Variants in FAM234A observed in about 807,000 individuals in gnomAD.
FAM234A encodes protein FAM234A.
FAM234A carries 42 observed loss-of-function variants against 49.1 expected under a neutral mutation model. The observed-to-expected ratio is 0.86, with a 90% CI of 0.67 to 1.11. The LOEUF (loss-of-function observed/expected upper bound fraction) is 1.11, where lower values mean the gene tolerates loss of function less well. FAM234A is among the 50% of genes least tolerant of loss of function. The pLI is 0.00. For synonymous variants in FAM234A, 369 were observed against 316.2 expected (o/e 1.17, Z -1.77); for missense variants, 815 against 745.2 (o/e 1.09, Z -1.09).
At chr16:269,581 G>A (rs999474363), downstream of FAM234A, 2 of 1,612,792 alleles carry the variant, frequency 1.2e-6, no homozygotes, top group Non-Finnish European at 1.7e-6. Context: ...CCTTGGGTAG[G>A]AGTCCTACAA....
At chr16:266,117 C>G (rs1156924020), downstream of FAM234A, 16 of 982,740 alleles carry the variant, frequency 1.6e-5, no homozygotes, top group Non-Finnish European at 1.9e-5. Flanking sequence ...CAGGCGTGAG[C>G]CTAGCGTGTG....
chr16:269,411 G>A, downstream of FAM234A: 1 of 1,592,796 alleles, frequency 6.3e-7, no homozygotes. Flanking sequence ...GCTGAGAACA[G>A]GCTGGCCAGC....
At chr16:254,325 G>A in intron 2 of FAM234A, 56 bp from the exon 3 acceptor site, 1 of 1,470,172 alleles carries the variant, frequency 6.8e-7, no homozygotes, top group South Asian at 1.3e-5. Context: ...CCTCTGTGCT[G>A]CAGCTTTGTG....
In FAM234A at chr16:242,912, C is replaced by T. The variant is rs117237414; in HGVS notation, c.-139-6637C>T. Among the ~76,000 whole-genome samples, 177 of 151,894 alleles carry T rather than the reference C, an allele frequency of 1.2e-3. 2 individuals carry two copies. Among genetic ancestry groups the T allele is most frequent in the Non-Finnish European group, 2.0e-3 (134 of 67,902 alleles). Reference sequence around the variant, plus strand: ...CAGGCGTGAGCTACCACGCCCATCCCGTGTCAGGTCTTTTACCTTAATTAA... The same window carrying T: ...CAGGCGTGAGCTACCACGCCCATCCTGTGTCAGGTCTTTTACCTTAATTAA... On this transcript the variant is annotated intron_variant, in intron 1 of 12. Coordinates refer to ENST00000399932, the MANE Select transcript of FAM234A (RefSeq NM_032039.4).
At position 260,147 on chromosome 16, in the gene FAM234A, C is replaced by G; in HGVS notation, c.564C>G (p.Val188=). The change falls in exon 5 of 13, where the codon GTC becomes GTG. Residue 188 remains valine (V), a synonymous_variant. Coordinates refer to ENST00000399932, the MANE Select transcript of FAM234A (RefSeq NM_032039.4). ...LVGRPSSFIA[V]NLFTGETLWN... ...GCAGACCCAGTTCTTTCATTGCAGT[C>G]AACTTGTTCACAGGTAGGCCAGCCA... is the stretch of plus-strand genomic sequence containing the variant. The G allele has an allele frequency of 6.2e-7, 1 of 1,613,674 alleles. No individual in the cohort carries two copies. The highest frequency in any genetic ancestry group is 8.5e-7 in the Non-Finnish European group (1 of 1,180,012).
downstream of FAM234A, chr16:268,518 A>C (rs2051773220): frequency 1.8e-6 from 1 of 558,222 alleles, no homozygotes; most frequent in Admixed American, 3.1e-5. Flanking sequence ...CAGCTCACGA[A>C]GGAAGACTTG....
At chr16:253,040 C>T (rs1167923863) in intron 2 of FAM234A, among the ~76,000 whole-genome samples, 1 of 152,244 alleles carries the variant, frequency 6.6e-6, no homozygotes, top group Admixed American at 6.5e-5. Flanking sequence ...TAACAAAAAT[C>T]TTGCCTGAGA....
chr16:248,997 C>T (rs1217966641), intron 1 of FAM234A, among the ~76,000 whole-genome samples: 3 of 151,932 alleles, frequency 2.0e-5, no homozygotes, highest in Non-Finnish European at 4.4e-5. Context: ...AATTGTCTTG[C>T]AGGGTCCTTT....
chr16:266,929 C>T (rs1422153793), downstream of FAM234A, among the ~76,000 whole-genome samples: 2 of 152,126 alleles, frequency 1.3e-5, no homozygotes, highest in Admixed American at 6.5e-5. Context: ...GGAGGGGTCA[C>T]CCTGCAGGTC....
Position 254,526 on chromosome 16 carries a change from C to G in FAM234A, c.113C>G (p.Ala38Gly). The change falls in exon 3 of 13, where the codon GCG (alanine) becomes GGG (glycine). Residue 38 changes from alanine (A) to glycine (G), a missense_variant. Physicochemically the swap from Ala to Gly is moderately conservative, Grantham distance 60 (BLOSUM62 0). Transcript: ENST00000399932. ...AAAAATGAGGATAACGTGAAAAGCGCGCCTCCACAGTCCCGGCTCTCCCGG... is the reference window on the plus strand; with the variant it reads ...AAAAATGAGGATAACGTGAAAAGCGGGCCTCCACAGTCCCGGCTCTCCCGG... ...PSKNEDNVKSAPPQSRLSRCR... is the reference protein window; with the variant it reads ...PSKNEDNVKSGPPQSRLSRCR... 1 of 1,614,218 alleles carries G rather than the reference C, an allele frequency of 6.2e-7. No homozygotes were observed. The highest frequency in any genetic ancestry group is 1.6e-4 in the Middle Eastern group (1 of 6,062).
At chr16:266,624 C>A (rs778563650), downstream of FAM234A, among the ~76,000 whole-genome samples, 4 of 152,198 alleles carry the variant, frequency 2.6e-5, no homozygotes, top group Non-Finnish European at 4.4e-5. Context: ...TTCAGAGCCA[C>A]ACAGGTGTAA....
chr16:250,815 T>C (rs1167592988), intron 2 of FAM234A, among the ~76,000 whole-genome samples: 1 of 152,192 alleles, frequency 6.6e-6, no homozygotes, highest in Non-Finnish European at 1.5e-5. Context: ...GACCTTCGTG[T>C]CCTAGTCATT....
At chr16:235,830 G>A (rs766398151) in intron 1 of FAM234A, among the ~76,000 whole-genome samples, 1 of 152,142 alleles carries the variant, frequency 6.6e-6, no homozygotes, top group African/African-American at 2.4e-5. Context: ...CTACTGGAGG[G>A]TACAGATAGT....
At chr16:247,392 G>A (rs2050850026) in intron 1 of FAM234A, among the ~76,000 whole-genome samples, 1 of 151,652 alleles carries the variant, frequency 6.6e-6, no homozygotes, top group Non-Finnish European at 1.5e-5. Context: ...GCCTGGCAAA[G>A]TGCTGGGATT....
Position 265,866 on chromosome 16 carries a change from G to T in FAM234A, c.*844G>T. 1.0e-6 allele frequency: 1 copy of T among 986,014 alleles called. No homozygotes were observed. The highest frequency in any genetic ancestry group is 1.2e-6 in the Non-Finnish European group (1 of 830,218). The allele number at this position is 986,014 out of a possible 1,614,324, so 61.1% of individuals were successfully genotyped here. Reference sequence around the variant, plus strand: ...TCCCTGAAGAGGCCCCGTGCCCCAGGCATGGCAAGCGCCTGCCTCTCCCCT... The same window carrying T: ...TCCCTGAAGAGGCCCCGTGCCCCAGTCATGGCAAGCGCCTGCCTCTCCCCT... On this transcript the variant is annotated 3_prime_UTR_variant, in exon 13 of 13. Coordinates refer to ENST00000399932, the MANE Select transcript of FAM234A (RefSeq NM_032039.4).
chr16:246,746 TTGG>T (rs2050825449), intron 1 of FAM234A, among the ~76,000 whole-genome samples: 1 of 145,096 alleles, frequency 6.9e-6, no homozygotes, highest in South Asian at 2.2e-4. Context: ...TTTCGATCGA[TTGG>T]TGTTTTGTTT....
chr16:253,150 G>C (rs2051087844), intron 2 of FAM234A, among the ~76,000 whole-genome samples: 1 of 152,174 alleles, frequency 6.6e-6, no homozygotes, highest in Non-Finnish European at 1.5e-5. Context: ...CCTTTCCCAT[G>C]TTCAAATGTG....
chr16:238,591 C>G (rs1567205339), intron 1 of FAM234A, among the ~76,000 whole-genome samples: 2 of 151,132 alleles, frequency 1.3e-5, no homozygotes, highest in African/African-American at 4.9e-5. Context: ...ACAGTGAAAT[C>G]CCGTCTCTAC....
rs2051649231 is a variant in FAM234A, at chr16:265,150, C to T, written c.*128C>T. ...GACCCTGGTGATGGTCGCCACTGGG[C>T]AGCAGCAGCCTTACCAGTCCTCCAT... On this transcript the variant is annotated 3_prime_UTR_variant, in exon 13 of 13. Transcript: ENST00000399932. 1 of 1,441,088 alleles carries T rather than the reference C, an allele frequency of 6.9e-7. No individual in the cohort carries two copies. Among genetic ancestry groups the T allele is most frequent in the Non-Finnish European group, 9.1e-7 (1 of 1,101,160 alleles). The allele number at this position is 1,441,088 out of a possible 1,614,324, so 89.3% of individuals were successfully genotyped here. A position where few individuals can be genotyped will look rare whatever the true frequency, so the allele number is the denominator to read the frequency against.
Sources: allele counts gnomAD v4.1 joint callset (sites outside exome capture counted in the v4.1 genomes callset), GRCh38; gene constraint gnomAD v4.1.1; transcripts MANE v1.5; gene names NCBI Gene and HGNC (gene_info 2026-07-23, HGNC 2026-07-21).